Variants in LAMA3 observed in about 807,000 individuals in gnomAD.
LAMA3 encodes laminin subunit alpha 3, also known as laminin subunit alpha-3.
In LAMA3, 281 loss-of-function variants were observed where a neutral mutation model predicts 402.0. The ratio of observed to expected loss-of-function variants is 0.70; its 90% CI spans 0.63 to 0.77. The LOEUF is 0.77. Ranked by LOEUF, LAMA3 falls within the 30% of genes least tolerant of loss-of-function variation. The pLI, the probability that LAMA3 is intolerant of heterozygous loss-of-function variation, is 0.00. For missense variants in LAMA3, 3,840 were observed against 4,215.5 expected, an observed-to-expected ratio of 0.91 and a Z score of 2.47; for synonymous variants, 1,431 against 1,558.4, an observed-to-expected ratio of 0.92 and a Z score of 1.93.
intron 68 of LAMA3, among the ~76,000 whole-genome samples, chr18:23,942,205 G>A (rs545304332): frequency 9.8e-5 from 15 of 152,308 alleles, no homozygotes; most frequent in African/African-American, 3.1e-4. Flanking sequence ...TGCCTACTGC[G>A]TAATAGGCAC....
chr18:23,812,975 C>A, intron 13 of LAMA3, 82 bp from the exon 14 acceptor site: 2 of 976,520 alleles, frequency 2.0e-6, no homozygotes, highest in Non-Finnish European at 3.3e-6. Flanking sequence ...TTTTTGAAAA[C>A]AAAACGTTTA....
intron 1 of LAMA3, among the ~76,000 whole-genome samples, chr18:23,703,088 G>A (rs1225253481): frequency 6.6e-6 from 1 of 152,214 alleles, no homozygotes; most frequent in East Asian, 1.9e-4. Context: ...GCACCCATAT[G>A]TGCCAGTCGT....
chr18:23,923,144 G>T (rs1568349626), intron 62 of LAMA3, among the ~76,000 whole-genome samples: 1 of 152,242 alleles, frequency 6.6e-6, no homozygotes, highest in Non-Finnish European at 1.5e-5. Flanking sequence ...AAGTGGGATA[G>T]GGATGCCCCA....
intron 12 of LAMA3, among the ~76,000 whole-genome samples, chr18:23,798,184 A>C (rs1310649400): frequency 1.3e-5 from 2 of 151,314 alleles, no homozygotes; most frequent in Non-Finnish European, 2.9e-5. Context: ...TTTCTGGAGC[A>C]GCTTGCTAGG....
At chr18:23,876,258 T>C (rs772301101) in intron 38 of LAMA3, 36 bp from the exon 39 acceptor site, 66 of 1,373,232 alleles carry the variant, frequency 4.8e-5, no homozygotes, top group Non-Finnish European at 6.9e-5. Context: ...TTGTTTTCTT[T>C]CTTTGTATTG....
At chr18:23,720,081 T>A (rs1410510834) in intron 2 of LAMA3, among the ~76,000 whole-genome samples, 1 of 152,202 alleles carries the variant, frequency 6.6e-6, no homozygotes, top group Non-Finnish European at 1.5e-5. Flanking sequence ...TTAATAAATA[T>A]TTGCTGAGTT....
intron 67 of LAMA3, among the ~76,000 whole-genome samples, chr18:23,935,624 CCT>C (rs1002493914): frequency 1.3e-5 from 2 of 152,042 alleles, no homozygotes; most frequent in African/African-American, 4.8e-5. Flanking sequence ...AATTATTAAA[CCT>C]CTCTCTGGGT....
At position 23,777,631 on chromosome 18, in the gene LAMA3, C is replaced by T; in HGVS notation, c.1468+12C>T. ...TGGAGATATAAAAGGCAAGTAACCTCCCTTTTGGTTTAACTCCAGTGAAAA... is the reference window on the plus strand; with the variant it reads ...TGGAGATATAAAAGGCAAGTAACCTTCCTTTTGGTTTAACTCCAGTGAAAA... On this transcript the variant is annotated intron_variant, in intron 11 of 74. Coordinates refer to ENST00000313654, the MANE Select transcript of LAMA3 (RefSeq NM_198129.4). 6.3e-7 allele frequency: 1 copy of T among 1,593,632 alleles called. No individual in the cohort carries two copies. The highest frequency in any genetic ancestry group is 8.6e-7 in the Non-Finnish European group (1 of 1,161,310).
At chr18:23,717,542 CTTTTTTTTTTT>C (rs138974380) in intron 2 of LAMA3, among the ~76,000 whole-genome samples, 5 of 64,908 alleles carry the variant, frequency 7.7e-5, no homozygotes, top group African/African-American at 2.5e-4. Context: ...TGGACTTGAT[CTTTTTTTTTTT>C]TTTTTTTTTT....
At chr18:23,904,387 A>C (rs538612846) in intron 50 of LAMA3, among the ~76,000 whole-genome samples, 166 bp from the exon 51 acceptor site, 1 of 152,292 alleles carries the variant, frequency 6.6e-6, no homozygotes, top group Non-Finnish European at 1.5e-5. Flanking sequence ...CAAACCTGGC[A>C]GACAGAGAGA....
intron 10 of LAMA3, among the ~76,000 whole-genome samples, chr18:23,776,543 A>G (rs2062323156): frequency 6.6e-6 from 1 of 152,200 alleles, no homozygotes; most frequent in Non-Finnish European, 1.5e-5. Flanking sequence ...AGGACAAAGA[A>G]ACACTGTCAC....
At chr18:23,725,160 A>G (rs1025961732) in intron 2 of LAMA3, among the ~76,000 whole-genome samples, 6 of 151,490 alleles carry the variant, frequency 4.0e-5, no homozygotes, top group Non-Finnish European at 5.9e-5. Flanking sequence ...CCCAGGCTAG[A>G]GTGCAGTGGC....
At position 23,848,231 on chromosome 18, in the gene LAMA3, G is replaced by A. The variant is rs148808892; in HGVS notation, c.4136+563G>A. Among the ~76,000 whole-genome samples the A allele has an allele frequency of 6.1e-3, 927 of 152,318 alleles. 13 individuals are homozygous for A. The highest frequency in any genetic ancestry group is 0.021 in the African/African-American group (890 of 41,572). On this transcript the variant is annotated intron_variant, in intron 32 of 74. Transcript: ENST00000313654. ...CAGGGTGAACAGGAGACAGGCTGGA[G>A]AGCCTGGCCTGAGAGTGGGGCTGCC...
At chr18:23,756,929 G>A (rs964179689) in intron 6 of LAMA3, among the ~76,000 whole-genome samples, 2 of 5,902 alleles carry the variant, frequency 3.4e-4, no homozygotes, top group Non-Finnish European at 7.4e-4. Context: ...CCCTGCCCCC[G>A]CCCCCCACTC....
chr18:23,714,395 G>A (rs2061056668), intron 2 of LAMA3, among the ~76,000 whole-genome samples: 4 of 151,890 alleles, frequency 2.6e-5, no homozygotes, highest in South Asian at 2.1e-4. Context: ...TGGCGGATGC[G>A]TGTAATCCCA....
intron 69 of LAMA3, 27 bp from the exon 70 acceptor site, chr18:23,946,117 A>G (rs2082700737): frequency 6.2e-7 from 1 of 1,609,476 alleles, no homozygotes; most frequent in Non-Finnish European, 8.5e-7. Flanking sequence ...GTAAAAATAC[A>G]ACTCACGTAT....
intron 12 of LAMA3, among the ~76,000 whole-genome samples, chr18:23,791,289 T>C (rs2062648033): frequency 6.6e-6 from 1 of 152,222 alleles, no homozygotes; most frequent in Non-Finnish European, 1.5e-5. Flanking sequence ...ACTCAGAGTG[T>C]GGAGACTTCA....
Position 23,695,796 on chromosome 18 carries a change from C to CAAAAAAAAAAAAAAAA in LAMA3, c.294+5844_294+5859dup, listed in dbSNP as rs58873998. Among the ~76,000 whole-genome samples the CAAAAAAAAAAAAAAAA allele has an allele frequency of 1.6e-4, 6 of 38,620 alleles. 2 individuals are homozygous for CAAAAAAAAAAAAAAAA. The highest frequency in any genetic ancestry group is 1.2e-3 in the Admixed American group (2 of 1,730). 25.3% of individuals were successfully genotyped at this position (38,620 alleles called of 152,430 possible). ...TGGGTGACACAGCAAGACTCCATCT[C>CAAAAAAAAAAAAAAAA]AAAAAAAAAAAAAAAAAAAAAAAAA... On this transcript the variant is annotated intron_variant, in intron 1 of 74. Coordinates refer to ENST00000313654, the MANE Select transcript of LAMA3 (RefSeq NM_198129.4).
chr18:23,903,086 A>C lies in LAMA3; in HGVS notation c.6279A>C (p.Gln2093His). 6.2e-7 allele frequency: 1 copy of C among 1,612,842 alleles called. No individual in the cohort carries two copies. Among genetic ancestry groups the C allele is most frequent in the South Asian group, 1.1e-5 (1 of 91,050 alleles). ...YLTTADSSLL[Q>H]TNIALQLMEK... The stretch of plus-strand genomic sequence containing the variant: ...CCACTGCAGACTCATCTTTGTTGCA[A>C]ACCAACATTGCGCTGCAGCTGATGG... The change falls in exon 49 of 75, where the codon CAA (glutamine) becomes CAC (histidine). Residue 2093 changes from glutamine (Q) to histidine (H), a missense_variant. This residue lies in a region of LAMA3 where 891 missense variants were observed against 857.5 expected (regional missense o/e 1.04). Transcript: ENST00000313654.
Sources: allele counts gnomAD v4.1 joint callset (sites outside exome capture counted in the v4.1 genomes callset), GRCh38; gene constraint gnomAD v4.1.1; regional missense constraint gnomAD v4.1.1; transcripts MANE v1.5; gene names NCBI Gene and HGNC (gene_info 2026-07-23, HGNC 2026-07-21).